ACOT1: variants seen among roughly 807,000 people sequenced by gnomAD.
The protein encoded by ACOT1 is acyl-CoA thioesterase 1, also known as acyl-coenzyme A thioesterase 1.
ACOT1 carries 8 observed loss-of-function variants against 15.7 expected under a neutral mutation model. The observed-to-expected ratio is 0.51, with a 90% CI of 0.30 to 0.92. The LOEUF is 0.92. Ranked by LOEUF, ACOT1 falls within the 40% of genes least tolerant of loss-of-function variation. ACOT1 has a pLI of 0.06. For synonymous variants in ACOT1, 67 were observed against 241.2 expected (o/e 0.28, Z 6.69); for missense variants, 151 against 539.4 (o/e 0.28, Z 7.13).
chr14:73,538,491 T>G (rs1377165945), intron 1 of ACOT1, among the ~76,000 whole-genome samples: 1 of 110,964 alleles, frequency 9.0e-6, no homozygotes, highest in Non-Finnish European at 1.9e-5. Flanking sequence ...CGGGCGCCTG[T>G]CGTCCCAGCT....
At chr14:73,525,884 CA>C in the ACOT1 span, among the ~76,000 whole-genome samples, 2 of 151,082 alleles carry the variant, frequency 1.3e-5, no homozygotes, top group Admixed American at 1.3e-4. Context: ...ACCTGGGAAG[CA>C]GAGGTTGCAG....
chr14:73,493,111 A>C, the ACOT1 span: 1 of 1,613,052 alleles, frequency 6.2e-7, no homozygotes, highest in South Asian at 1.1e-5. Context: ...GTCTTCTAGG[A>C]AGAACCATCT....
At chr14:73,493,531 T>C in the ACOT1 span, 19 of 191,924 alleles carry the variant, frequency 9.9e-5, no homozygotes, top group South Asian at 1.9e-3. Flanking sequence ...AGCATGTTAA[T>C]CAACCTCTTA....
chr14:73,516,922 A>G, the ACOT1 span, among the ~76,000 whole-genome samples: 2 of 152,122 alleles, frequency 1.3e-5, no homozygotes, highest in African/African-American at 2.4e-5. Flanking sequence ...ATTATCTTCC[A>G]CGAAACCGGT....
chr14:73,499,591 G>A, the ACOT1 span, among the ~76,000 whole-genome samples: 1 of 152,172 alleles, frequency 6.6e-6, no homozygotes, highest in Non-Finnish European at 1.5e-5. Context: ...GGTGACAAAT[G>A]AGCTGGAGCC....
chr14:73,525,202 T>C, the ACOT1 span, among the ~76,000 whole-genome samples: 1 of 152,006 alleles, frequency 6.6e-6, no homozygotes, highest in Non-Finnish European at 1.5e-5. Flanking sequence ...CAGCTATCTG[T>C]TTTTTATTTT....
At chr14:73,506,346 G>T in the ACOT1 span, 1 of 674,658 alleles carries the variant, frequency 1.5e-6, no homozygotes, top group South Asian at 1.7e-5. Context: ...AAGAAGTAGT[G>T]ATGTGGGAAC....
chr14:73,527,127 T>C, the ACOT1 span: 23 of 152,196 alleles, frequency 1.5e-4, 1 homozygote, highest in Admixed American at 1.5e-3. Flanking sequence ...ACCGTAGGCT[T>C]AAGTCACAGC....
At chr14:73,492,310 C>T in the ACOT1 span, 1 of 1,614,076 alleles carries the variant, frequency 6.2e-7, no homozygotes, top group Non-Finnish European at 8.5e-7. The surrounding 1 kb of genome is among the most constrained non-coding windows in gnomAD (Gnocchi z 4.9). Flanking sequence ...GGGGTGACTT[C>T]TTAGAGGCCA....
the ACOT1 span, chr14:73,491,872 C>T: frequency 4.9e-4 from 790 of 1,611,172 alleles, 2 homozygotes; most frequent in African/African-American, 8.8e-3. Context: ...TGCCCGCCGC[C>T]GCGTGGTCCC....
chr14:73,516,147 CAAA>C, the ACOT1 span, among the ~76,000 whole-genome samples: 1 of 9,158 alleles, frequency 1.1e-4, no homozygotes, highest in Non-Finnish European at 1.5e-4. Flanking sequence ...CAACAGTCAT[CAAA>C]AAAAAAAAAA....
chr14:73,500,488 A>C, the ACOT1 span: 1 of 1,507,718 alleles, frequency 6.6e-7, no homozygotes, highest in Non-Finnish European at 9.1e-7. Context: ...GTGCACAACC[A>C]GGGAAGGTAA....
At chr14:73,541,757 G>A in intron 2 of ACOT1, 62 bp downstream of exon 2, 1 of 1,118,634 alleles carries the variant, frequency 8.9e-7, no homozygotes, top group Non-Finnish European at 1.2e-6. Flanking sequence ...AATGGTCTGG[G>A]TTTTCACAGA....
chr14:73,491,531 G>T, the ACOT1 span: 1 of 1,527,312 alleles, frequency 6.5e-7, no homozygotes, highest in Non-Finnish European at 8.8e-7. Context: ...GGGGCCGCAG[G>T]TGGATAACAC....
At chr14:73,508,633 C>T in the ACOT1 span, among the ~76,000 whole-genome samples, 7 of 151,268 alleles carry the variant, frequency 4.6e-5, no homozygotes, top group Admixed American at 6.6e-5. Context: ...CCTGTAATCC[C>T]AGCTACTTGG....
chr14:73,526,084 C>A, the ACOT1 span, among the ~76,000 whole-genome samples: 1 of 152,144 alleles, frequency 6.6e-6, no homozygotes, highest in African/African-American at 2.4e-5. Context: ...GCCTATGCCC[C>A]CCTCCCTCAC....
the ACOT1 span, among the ~76,000 whole-genome samples, chr14:73,509,846 A>ATT: frequency 1.7e-4 from 11 of 65,544 alleles, no homozygotes; most frequent in African/African-American, 5.8e-4. Context: ...ATATATATAT[A>ATT]TATATATATA....
the ACOT1 span, among the ~76,000 whole-genome samples, chr14:73,502,474 T>C: frequency 1.3e-5 from 2 of 152,108 alleles, no homozygotes; most frequent in African/African-American, 4.8e-5. Flanking sequence ...ACTGTTAATT[T>C]TTTACAGTGG....
the ACOT1 span, chr14:73,492,393 T>C: frequency 2.5e-6 from 4 of 1,613,742 alleles, no homozygotes; most frequent in Non-Finnish European, 3.4e-6. This position sits in a 1 kb window ranked among gnomAD's most constrained non-coding sequence, Gnocchi z 4.9. Flanking sequence ...CGAGACTTCA[T>C]GGATTACATG....
Sources: allele counts gnomAD v4.1 joint callset (sites outside exome capture counted in the v4.1 genomes callset), GRCh38; gene constraint gnomAD v4.1.1; non-coding constraint Gnocchi (gnomAD v3.1); transcripts MANE v1.5; gene names NCBI Gene and HGNC (gene_info 2026-07-23, HGNC 2026-07-21).